Variants in BRINP1 observed in about 807,000 individuals in gnomAD.
BRINP1 encodes the protein BMP/retinoic acid inducible neural specific 1.
In BRINP1, 17 loss-of-function variants were observed where a neutral mutation model predicts 72.9. The observed-to-expected ratio is 0.23, with a 90% confidence interval of 0.16 to 0.35. The LOEUF is 0.35. Among genes scored for constraint, BRINP1 ranks in the 10% least tolerant of loss-of-function variants. The pLI is 1.00. For synonymous variants in BRINP1, 418 were observed against 378.5 expected (o/e 1.10, Z -1.21); for missense variants, 850 against 1,001.6 (o/e 0.85, Z 2.04).
In BRINP1 at chr9:119,268,774, A is replaced by G. The variant is rs1830579344; in HGVS notation, c.219-19624T>C. 2.6e-5 allele frequency among the ~76,000 whole-genome samples: 4 copies of G among 152,188 alleles called. No homozygotes were observed. The South Asian group carries it at 8.3e-4, about 31-fold the overall frequency. ...ATTGCACGGCTCATCACAAAAACCT[A>G]TTAACTGTGCCCAGCACTTAGTAGG... is the stretch of plus-strand genomic sequence containing the variant. On this transcript the variant is annotated intron_variant, in intron 2 of 7. Transcript: ENST00000265922.
chr9:119,220,760 G>GA (rs1830032361), intron 5 of BRINP1, among the ~76,000 whole-genome samples: 1 of 152,162 alleles, frequency 6.6e-6, no homozygotes, highest in African/African-American at 2.4e-5. Flanking sequence ...GAAGACGAAA[G>GA]AAAATAGGCC....
chr9:119,179,633 G>GAGAT (rs1177856586), intron 7 of BRINP1, among the ~76,000 whole-genome samples: 8 of 152,254 alleles, frequency 5.3e-5, no homozygotes, highest in South Asian at 2.1e-4. Flanking sequence ...TCAACCCCAT[G>GAGAT]AGATAGGATT....
At chr9:119,360,764 C>A (rs1362332068) in intron 1 of BRINP1, among the ~76,000 whole-genome samples, 1 of 152,152 alleles carries the variant, frequency 6.6e-6, no homozygotes, top group Non-Finnish European at 1.5e-5. Context: ...ATTTGTAGGA[C>A]CTTTGCAAGG....
chr9:119,295,481 A>G (rs1830866393), intron 2 of BRINP1, among the ~76,000 whole-genome samples: 1 of 152,240 alleles, frequency 6.6e-6, no homozygotes, highest in Admixed American at 6.5e-5. Context: ...TTTACTGACT[A>G]CTGTAAGCAA....
chr9:119,252,684 G>C (rs563891607), intron 2 of BRINP1, among the ~76,000 whole-genome samples: 77 of 151,984 alleles, frequency 5.1e-4, no homozygotes, highest in African/African-American at 1.8e-3. Context: ...AACTGTTAAA[G>C]GTCATGTAGC....
At chr9:119,274,260 A>G (rs1013970009) in intron 2 of BRINP1, among the ~76,000 whole-genome samples, 3 of 152,232 alleles carry the variant, frequency 2.0e-5, no homozygotes, top group African/African-American at 7.2e-5. Context: ...CATCACATGA[A>G]AGGAGAGTAG....
intron 2 of BRINP1, among the ~76,000 whole-genome samples, chr9:119,265,554 G>A (rs758912435): frequency 2.0e-5 from 3 of 152,036 alleles, no homozygotes; most frequent in Admixed American, 6.6e-5. Context: ...CTGAGATCAC[G>A]CCATTGCACT....
intron 2 of BRINP1, among the ~76,000 whole-genome samples, chr9:119,310,083 A>G (rs1831045418): frequency 6.6e-6 from 1 of 152,162 alleles, no homozygotes; most frequent in African/African-American, 2.4e-5. Flanking sequence ...ACACTATTTC[A>G]CAGAATCATG....
intron 2 of BRINP1, among the ~76,000 whole-genome samples, chr9:119,269,374 G>A (rs560981990): frequency 2.1e-4 from 32 of 152,240 alleles, no homozygotes; most frequent in African/African-American, 6.5e-4. Context: ...CCTCAGGGAC[G>A]TGAAGTGTTT....
chr9:119,327,269 C>A (rs117680740), intron 1 of BRINP1, among the ~76,000 whole-genome samples: 1 of 152,186 alleles, frequency 6.6e-6, no homozygotes, highest in Non-Finnish European at 1.5e-5. Context: ...AAGCCCAGCA[C>A]GCATTAGCTA....
Position 119,283,462 on chromosome 9 carries a change from A to G in BRINP1, c.218+29676T>C, listed in dbSNP as rs142486310. Among the ~76,000 whole-genome samples, 290 of 152,306 alleles carry G rather than the reference A, an allele frequency of 1.9e-3. 6 individuals are homozygous for G. The highest frequency in any genetic ancestry group is 0.018 in the East Asian group (91 of 5,184). ...AATACTTGCCACTTTCACGGACACA[A>G]CTTTGCCCTAAGGAATTTTTTAAAG... On this transcript the variant is annotated intron_variant, in intron 2 of 7. Transcript: ENST00000265922.
At chr9:119,321,416 G>C (rs2119004118) in intron 1 of BRINP1, among the ~76,000 whole-genome samples, 1 of 152,308 alleles carries the variant, frequency 6.6e-6, no homozygotes, top group Non-Finnish European at 1.5e-5. Context: ...AAATGGAGGT[G>C]TGCTATTCAT....
intron 7 of BRINP1, among the ~76,000 whole-genome samples, chr9:119,178,885 G>GAAAT (rs149328446): frequency 0.011 from 1,652 of 152,262 alleles, 19 homozygotes; most frequent in African/African-American, 0.032. Context: ...CACAAGAAAA[G>GAAAT]AAATAAATTG....
chr9:119,289,869 C>A (rs1328056190), intron 2 of BRINP1, among the ~76,000 whole-genome samples: 1 of 152,184 alleles, frequency 6.6e-6, no homozygotes, highest in East Asian at 1.9e-4. Flanking sequence ...GATAATTTCT[C>A]GGAAGATGCA....
chr9:119,351,810 ATTTTTTTAT>A (rs1411799171), intron 1 of BRINP1, among the ~76,000 whole-genome samples: 3 of 122,218 alleles, frequency 2.5e-5, no homozygotes, highest in East Asian at 2.3e-4. Context: ...TTCTCTTTTT[ATTTTTTTAT>A]TTTTTTTTTA....
chr9:119,338,893 C>CA (rs1369149881), intron 1 of BRINP1, among the ~76,000 whole-genome samples: 3 of 122,592 alleles, frequency 2.4e-5, no homozygotes, highest in African/African-American at 3.1e-5. Flanking sequence ...TCAAAAAAAA[C>CA]AAAAAACAAA....
intron 2 of BRINP1, among the ~76,000 whole-genome samples, chr9:119,284,936 T>G (rs1281706334): frequency 1.3e-5 from 2 of 152,170 alleles, no homozygotes; most frequent in East Asian, 3.9e-4. Flanking sequence ...TTTCAGCAGA[T>G]AAATATTTAA....
chr9:119,188,704 C>CTT (rs1829652363), intron 7 of BRINP1, among the ~76,000 whole-genome samples: 1 of 152,084 alleles, frequency 6.6e-6, no homozygotes, highest in East Asian at 1.9e-4. Context: ...ATCACTTGAA[C>CTT]CCAGGAGTTT....
intron 2 of BRINP1, among the ~76,000 whole-genome samples, chr9:119,305,505 G>A (rs191056562): frequency 2.8e-4 from 43 of 152,266 alleles, no homozygotes; most frequent in Admixed American, 2.4e-3. Flanking sequence ...ACATGAAGAC[G>A]TATAGTTCCA....
Sources: gnomAD v4.1 joint callset for allele counts (sites outside exome capture counted in the v4.1 genomes callset) on GRCh38, gnomAD v4.1.1 for gene constraint, MANE v1.5 for transcripts, NCBI Gene and HGNC (gene_info 2026-07-23, HGNC 2026-07-21) for gene names.